Variants in CTNNA2 observed in about 807,000 individuals in gnomAD.
CTNNA2 encodes the protein catenin alpha 2, also known as catenin alpha-2.
A neutral mutation model predicts 101.0 loss-of-function variants in CTNNA2; 42 were observed. That is an observed-to-expected ratio of 0.42 (90% confidence interval 0.32 to 0.54). The LOEUF (loss-of-function observed/expected upper bound fraction) is 0.54, where lower values mean the gene tolerates loss of function less well. Ranked by LOEUF, CTNNA2 falls within the 20% of genes least tolerant of loss-of-function variation. The probability of loss-of-function intolerance (pLI) is 0.14; values close to 1 mark genes in which losing one functional copy is unlikely to be tolerated. For missense variants in CTNNA2, 871 were observed against 1,223.1 expected, an observed-to-expected ratio of 0.71 and a Z score of 4.29; for synonymous variants, 450 against 456.4, an observed-to-expected ratio of 0.99 and a Z score of 0.18.
At chr2:79,317,758 C>T (rs751262225) in intron 3 of CTNNA2, among the ~76,000 whole-genome samples, 64 of 151,944 alleles carry the variant, frequency 4.2e-4, no homozygotes, top group Non-Finnish European at 8.5e-4. Flanking sequence ...TTATCAAGGC[C>T]TATAAAAGTC....
chr2:79,190,084 G>A (rs12475130), intron 1 of CTNNA2, among the ~76,000 whole-genome samples: 2,472 of 152,142 alleles, frequency 0.016, 91 homozygotes, highest in East Asian at 0.1. Flanking sequence ...AATTTATTTA[G>A]TTCAAAATGT....
chr2:79,801,300 C>T (rs977785421), intron 3 of CTNNA2, among the ~76,000 whole-genome samples: 1 of 152,154 alleles, frequency 6.6e-6, no homozygotes, highest in Non-Finnish European at 1.5e-5. Flanking sequence ...CTTTCTGCCC[C>T]AGGGTATGCT....
intron 7 of CTNNA2, among the ~76,000 whole-genome samples, chr2:80,191,999 C>T (rs920212505): frequency 3.3e-5 from 5 of 152,154 alleles, no homozygotes; most frequent in African/African-American, 9.7e-5. Context: ...CATTAGGACC[C>T]AGTGAAAGGT....
intron 4 of CTNNA2, among the ~76,000 whole-genome samples, chr2:79,867,855 A>G (rs1682262181): frequency 6.6e-6 from 1 of 152,192 alleles, no homozygotes; most frequent in Non-Finnish European, 1.5e-5. Context: ...TCCCAAGAAG[A>G]GATTTACATC....
intron 3 of CTNNA2, among the ~76,000 whole-genome samples, chr2:79,847,280 C>T (rs1212904726): frequency 2.0e-5 from 3 of 152,042 alleles, no homozygotes; most frequent in African/African-American, 4.8e-5. Context: ...TGTGGTGGCT[C>T]ACGCCTGTAA....
At chr2:79,285,347 G>A (rs1473867621) in intron 2 of CTNNA2, among the ~76,000 whole-genome samples, 1 of 150,060 alleles carries the variant, frequency 6.7e-6, no homozygotes, top group Non-Finnish European at 1.5e-5. Context: ...TGTGATGTTA[G>A]GGTGTCAATT....
chr2:80,568,854 T>C (rs1349496521), intron 12 of CTNNA2, among the ~76,000 whole-genome samples: 4 of 152,182 alleles, frequency 2.6e-5, no homozygotes, highest in Non-Finnish European at 5.9e-5. Context: ...TTTGAGAATA[T>C]GTGGTAATAA....
intron 9 of CTNNA2, among the ~76,000 whole-genome samples, chr2:80,494,615 T>C (rs888340238): frequency 7.4e-6 from 1 of 135,750 alleles, no homozygotes; most frequent in African/African-American, 2.8e-5. Flanking sequence ...TGGGTCATGA[T>C]GTGGAAAAGA....
chr2:79,627,612 G>T (rs894598438), intron 1 of CTNNA2, among the ~76,000 whole-genome samples: 1 of 152,136 alleles, frequency 6.6e-6, no homozygotes, highest in Admixed American at 6.5e-5. Flanking sequence ...TAATATCATG[G>T]TACATCTCTA....
chr2:80,533,706 ATAAGT>A (rs1299752076), intron 9 of CTNNA2, among the ~76,000 whole-genome samples: 10 of 152,190 alleles, frequency 6.6e-5, no homozygotes, highest in African/African-American at 2.4e-4. Flanking sequence ...TTCACTGGAA[ATAAGT>A]TGAGATTTCA....
chr2:79,946,633 AG>A (rs1688511311), intron 7 of CTNNA2, among the ~76,000 whole-genome samples: 1 of 152,178 alleles, frequency 6.6e-6, no homozygotes, highest in Non-Finnish European at 1.5e-5. Context: ...CCTTTCAGAG[AG>A]GAAATCATAT....
intron 9 of CTNNA2, among the ~76,000 whole-genome samples, chr2:80,439,089 G>A (rs1682320195): frequency 6.6e-6 from 1 of 152,116 alleles, no homozygotes; most frequent in African/African-American, 2.4e-5. Context: ...GGGAAGTGAG[G>A]ACAATAATGA....
intron 1 of CTNNA2, among the ~76,000 whole-genome samples, chr2:79,189,007 T>A (rs886339038): frequency 2.0e-5 from 3 of 152,178 alleles, no homozygotes; most frequent in African/African-American, 7.2e-5. Flanking sequence ...ACCCGGTCAA[T>A]ACAGTGTCTG....
intron 2 of CTNNA2, among the ~76,000 whole-genome samples, chr2:79,274,731 C>T (rs1277634501): frequency 6.6e-6 from 1 of 151,880 alleles, no homozygotes; most frequent in Non-Finnish European, 1.5e-5. Flanking sequence ...TTAATGACTC[C>T]ATGGTTTTCT....
At chr2:79,994,640 C>T (rs1382324858) in intron 7 of CTNNA2, among the ~76,000 whole-genome samples, 2 of 151,564 alleles carry the variant, frequency 1.3e-5, no homozygotes, top group East Asian at 1.9e-4. Flanking sequence ...ATAAGGATAT[C>T]GCTAAAATCA....
chr2:79,992,880 A>T (rs923272034), intron 7 of CTNNA2, among the ~76,000 whole-genome samples: 2 of 152,184 alleles, frequency 1.3e-5, no homozygotes, highest in Non-Finnish European at 1.5e-5. Flanking sequence ...GGAAAGTAGG[A>T]CTATAACCAA....
chr2:80,532,163 C>T (rs1391856647), intron 9 of CTNNA2, among the ~76,000 whole-genome samples: 1 of 152,180 alleles, frequency 6.6e-6, no homozygotes, highest in Non-Finnish European at 1.5e-5. Context: ...CCCCAAAAGC[C>T]TGCCTGGGGA....
intron 7 of CTNNA2, among the ~76,000 whole-genome samples, chr2:80,212,015 G>A (rs1357510559): frequency 1.3e-5 from 2 of 152,092 alleles, no homozygotes; most frequent in African/African-American, 4.8e-5. Context: ...TTGGCTCTCT[G>A]TTTGTCTGTT....
At chr2:80,387,497 A>G (rs924968117) in intron 7 of CTNNA2, among the ~76,000 whole-genome samples, 1 of 152,160 alleles carries the variant, frequency 6.6e-6, no homozygotes, top group African/African-American at 2.4e-5. Flanking sequence ...AAGTGGGCCA[A>G]AGGAGGGGCC....
Sources: allele counts gnomAD v4.1 joint callset (sites outside exome capture counted in the v4.1 genomes callset), GRCh38; gene constraint gnomAD v4.1.1; transcripts MANE v1.5; gene names NCBI Gene and HGNC (gene_info 2026-07-23, HGNC 2026-07-21).